The following NDST1 variants were observed in gnomAD, a reference collection of about 807,000 sequenced individuals.
NDST1 encodes N-deacetylase and N-sulfotransferase 1, also known as bifunctional heparan sulfate N-deacetylase/N-sulfotransferase 1.
Under a neutral mutation model 92.8 loss-of-function variants are expected in NDST1, and 35 were observed. The observed-to-expected ratio is 0.38, with a 90% CI of 0.29 to 0.50. The LOEUF (loss-of-function observed/expected upper bound fraction) is 0.50, where lower values mean the gene tolerates loss of function less well. NDST1 is among the 20% of genes least tolerant of loss of function. NDST1 has a pLI of 0.94. For synonymous variants in NDST1, 493 were observed against 500.3 expected, an observed-to-expected ratio of 0.99 and a Z score of 0.19; for missense variants, 822 against 1,182.7, an observed-to-expected ratio of 0.69 and a Z score of 4.47.
chr5:150,539,064 G>T (rs939521222), intron 6 of NDST1, among the ~76,000 whole-genome samples, 164 bp from the exon 7 acceptor site: 1 of 152,164 alleles, frequency 6.6e-6, no homozygotes, highest in Non-Finnish European at 1.5e-5. Context: ...TAGTTCACTG[G>T]GGGGAACGCT....
At chr5:150,548,429 C>G in intron 12 of NDST1, 41 bp downstream of exon 12, 1 of 1,599,148 alleles carries the variant, frequency 6.3e-7, no homozygotes, top group Non-Finnish European at 8.5e-7. Flanking sequence ...AGTCACAGTA[C>G]TGGCTTGCTG....
intron 7 of NDST1, chr5:150,539,806 C>T: frequency 1.0e-5 from 10 of 983,348 alleles, no homozygotes; most frequent in Non-Finnish European, 1.2e-5. Flanking sequence ...ATCTTCCATG[C>T]ACCCCACCCC....
chr5:150,510,710 C>G (rs886401255), intron 1 of NDST1, among the ~76,000 whole-genome samples: 1 of 152,244 alleles, frequency 6.6e-6, no homozygotes, highest in African/African-American at 2.4e-5. Context: ...TCTGTTGGGC[C>G]TTCCCTGCCA....
intron 1 of NDST1, among the ~76,000 whole-genome samples, chr5:150,515,805 C>G (rs1753932069): frequency 6.6e-6 from 1 of 152,168 alleles, no homozygotes; most frequent in Non-Finnish European, 1.5e-5. Context: ...AGTTACTTAC[C>G]TCTTGAGCCA....
chr5:150,515,628 T>C (rs143916363), intron 1 of NDST1, among the ~76,000 whole-genome samples: 1 of 152,258 alleles, frequency 6.6e-6, no homozygotes, highest in African/African-American at 2.4e-5. Context: ...AGCAAAAGCC[T>C]CAATGCTTCC....
chr5:150,535,471 G>A, intron 5 of NDST1: 3 of 875,600 alleles, frequency 3.4e-6, no homozygotes, highest in Non-Finnish European at 4.1e-6. Flanking sequence ...ACCGGACCAA[G>A]AGTCAGGAGA....
Position 150,553,828 on chromosome 5 carries a change from A to G in NDST1, c.*496A>G. The G allele has an allele frequency of 4.5e-6, 2 of 443,238 alleles. No individual in the cohort carries two copies. Among genetic ancestry groups the G allele is most frequent in the Non-Finnish European group, 8.0e-6 (2 of 248,844 alleles). The allele number at this position is 443,238 out of a possible 1,614,324, so 27.5% of individuals were successfully genotyped here. On this transcript the variant is annotated 3_prime_UTR_variant, in exon 15 of 15. Transcript: ENST00000261797. The surrounding 1 kb of genome is among the most constrained non-coding windows in gnomAD (Gnocchi z 4.2). ...AGGGGCCAGCTGGGTCCCCGGAGTC[A>G]GTCCTAGGCTGGATGGGAGGGTGGC...
chr5:150,522,780 G>T (rs1017385061), intron 2 of NDST1, among the ~76,000 whole-genome samples: 1 of 152,194 alleles, frequency 6.6e-6, no homozygotes, highest in African/African-American at 2.4e-5. Context: ...AGAGGGTAGT[G>T]GGGGTGGGAG....
rs553119777 is a variant in NDST1, at chr5:150,549,447, G to A, written c.2317-231G>A. 3.3e-5 allele frequency among the ~76,000 whole-genome samples: 5 copies of A among 152,352 alleles called. No individual in the cohort carries two copies. In the South Asian group the frequency reaches 8.3e-4, roughly 25 times the overall value. On this transcript the variant is annotated intron_variant, in intron 12 of 14. Coordinates refer to ENST00000261797, the MANE Select transcript of NDST1 (RefSeq NM_001543.5). ...GAGGGGCAGGCAGGGTTTGGTGAGA[G>A]CTTAAATTCTAGGAGAAATGGCATT...
intron 13 of NDST1, chr5:150,550,900 C>T (rs879771132): frequency 4.6e-5 from 7 of 152,262 alleles, no homozygotes; most frequent in South Asian, 2.1e-4. Flanking sequence ...ATGAAAGCTT[C>T]ATGTGGGGCT....
intron 9 of NDST1, among the ~76,000 whole-genome samples, 199 bp downstream of exon 9, chr5:150,541,865 C>T (rs1000504460): frequency 6.6e-6 from 1 of 152,084 alleles, no homozygotes. Flanking sequence ...TGGAGTTCTC[C>T]TATTTATCCT....
In NDST1 at chr5:150,533,052, C is replaced by G; in HGVS notation, c.1096+20C>G. ...ACACAGGTAAGTGGGCCTGCCCCTG[C>G]CCTCACTAGCAACTTCCAGGACTCC... On this transcript the variant is annotated intron_variant, in intron 4 of 14. Coordinates refer to ENST00000261797, the MANE Select transcript of NDST1 (RefSeq NM_001543.5). 1 of 1,606,646 alleles carries G rather than the reference C, an allele frequency of 6.2e-7. No homozygotes were observed. The highest frequency in any genetic ancestry group is 8.5e-7 in the Non-Finnish European group (1 of 1,173,276).
At chr5:150,514,469 G>A (rs1381366462) in intron 1 of NDST1, among the ~76,000 whole-genome samples, 2 of 149,472 alleles carry the variant, frequency 1.3e-5, no homozygotes, top group Admixed American at 1.4e-4. Context: ...GCTGAGGTGG[G>A]AAAATTGCTT....
chr5:150,517,596 C>A (rs375778837), intron 1 of NDST1, among the ~76,000 whole-genome samples: 15 of 152,320 alleles, frequency 9.8e-5, no homozygotes, highest in African/African-American at 3.4e-4. Flanking sequence ...GTCTCATACA[C>A]AGTAGTTTCA....
chr5:150,546,639 G>A (rs1041164856), intron 11 of NDST1, among the ~76,000 whole-genome samples: 1 of 152,210 alleles, frequency 6.6e-6, no homozygotes, highest in Non-Finnish European at 1.5e-5. Flanking sequence ...CTTCAGGCCT[G>A]GCCACTGTCA....
Position 150,551,832 on chromosome 5 carries a change from A to G in NDST1, c.2506A>G (p.Lys836Glu), listed in dbSNP as rs755289713. The change falls in exon 14 of 15, where the codon AAA (lysine) becomes GAA (glutamate). Residue 836 changes from lysine to glutamate, a missense_variant. Lys to Glu is a moderately conservative substitution (Grantham distance 56). Coordinates refer to ENST00000261797, the MANE Select transcript of NDST1 (RefSeq NM_001543.5). ...TKCLGKSKGR[K>E]YPEMDLDSRA... ...GTGTCTGGGCAAAAGCAAGGGCCGG[A>G]AATATCCCGAGATGGACTTGGATGT... is the stretch of plus-strand genomic sequence containing the variant. 1.2e-6 allele frequency: 2 copies of G among 1,613,568 alleles called. No individual in the cohort carries two copies. The highest frequency in any genetic ancestry group is 1.3e-5 in the African/African-American group (1 of 75,036).
chr5:150,556,066 C>A lies in NDST1; in HGVS notation c.*2734C>A, dbSNP rs1300625949. ...TGTTAGCTAATGGGTACAAGGACAC[C>A]CCCTCCCGAGAAGAGAAGCCACAGA... On this transcript the variant is annotated 3_prime_UTR_variant, in exon 15 of 15. Coordinates refer to ENST00000261797, the MANE Select transcript of NDST1 (RefSeq NM_001543.5). 6.6e-6 allele frequency: 1 copy of A among 152,216 alleles called. No individual in the cohort carries two copies. The highest frequency in any genetic ancestry group is 1.5e-5 in the Non-Finnish European group (1 of 68,096). The allele number at this position is 152,216 out of a possible 1,614,324, so 9.4% of individuals were successfully genotyped here. A position where few individuals can be genotyped will look rare whatever the true frequency, so the allele number is the denominator to read the frequency against.
rs1754520018 is a variant in NDST1 at position 150,527,339 on chromosome 5, C to G, written c.514-465C>G. On this transcript the variant is annotated intron_variant, in intron 2 of 14. Coordinates refer to ENST00000261797, the MANE Select transcript of NDST1 (RefSeq NM_001543.5). ...TCTGAGCACGTTGCCGGTATTGATA[C>G]TGATCATCCTCTACCACTCCTGGAG... 5.9e-5 allele frequency among the ~76,000 whole-genome samples: 9 copies of G among 152,334 alleles called. No individual in the cohort carries two copies. In the South Asian group the frequency reaches 1.9e-3, roughly 32 times the overall value.
rs549705999 is a variant in NDST1, at chr5:150,539,109, C to T, written c.1438-119C>T. 33 of 820,440 alleles carry T rather than the reference C, an allele frequency of 4.0e-5. No individual in the cohort carries two copies. The East Asian group carries it at 7.6e-4, about 19-fold the overall frequency. 50.8% of individuals were successfully genotyped at this position (820,440 alleles called of 1,614,324 possible). A position where few individuals can be genotyped will look rare whatever the true frequency, so the allele number is the denominator to read the frequency against. ...GCTGCACCCAAGGGTAGGGGCTGTGCGACCACATGGAGACTGCCTTTCTGA... is the reference window on the plus strand; with the variant it reads ...GCTGCACCCAAGGGTAGGGGCTGTGTGACCACATGGAGACTGCCTTTCTGA... On this transcript the variant is annotated intron_variant, in intron 6 of 14. Transcript: ENST00000261797.
Sources: allele counts gnomAD v4.1 joint callset (sites outside exome capture counted in the v4.1 genomes callset), GRCh38; gene constraint gnomAD v4.1.1; non-coding constraint Gnocchi (gnomAD v3.1); transcripts MANE v1.5; gene names NCBI Gene and HGNC (gene_info 2026-07-23, HGNC 2026-07-21).